The following NCOR2 variants were observed in gnomAD, a reference collection of about 807,000 sequenced individuals.
NCOR2 encodes the protein nuclear receptor corepressor 2, also known as CTG repeat protein 26.
NCOR2 carries 81 observed loss-of-function variants against 262.9 expected under a neutral mutation model. The ratio of observed to expected loss-of-function variants is 0.31; its 90% CI spans 0.26 to 0.37. The LOEUF is 0.37. NCOR2 is among the 10% of genes least tolerant of loss of function. The probability of loss-of-function intolerance (pLI) is 1.00; values close to 1 mark genes in which losing one functional copy is unlikely to be tolerated. For synonymous variants in NCOR2, 1,659 were observed against 1,559.3 expected (o/e 1.06, Z -1.51); for missense variants, 3,385 against 3,621.4 (o/e 0.93, Z 1.68).
At chr12:124,376,109 G>T (rs1288657531) in intron 18 of NCOR2, among the ~76,000 whole-genome samples, 4 of 152,172 alleles carry the variant, frequency 2.6e-5, no homozygotes, top group Non-Finnish European at 5.9e-5. Context: ...TCCTTAAGAT[G>T]GGCTAACACC....
At chr12:124,351,682 T>C (rs1034673913) in intron 27 of NCOR2, among the ~76,000 whole-genome samples, 1 of 152,208 alleles carries the variant, frequency 6.6e-6, no homozygotes, top group East Asian at 1.9e-4. Context: ...AAGCAGAATG[T>C]TGGGTGTCAA....
intron 32 of NCOR2, among the ~76,000 whole-genome samples, chr12:124,344,270 C>T (rs2036729232): frequency 6.6e-6 from 1 of 152,160 alleles, no homozygotes; most frequent in Non-Finnish European, 1.5e-5. Context: ...TGTGAAGTTG[C>T]TAGAAGGATG....
chr12:124,487,591 A>G (rs551657296), intron 1 of NCOR2, among the ~76,000 whole-genome samples: 47 of 152,290 alleles, frequency 3.1e-4, no homozygotes, highest in African/African-American at 1.1e-3. Context: ...TCCTCTTAGT[A>G]ATTTTCCATC....
intron 6 of NCOR2, among the ~76,000 whole-genome samples, chr12:124,452,421 C>T (rs2045603384): frequency 6.6e-6 from 1 of 152,250 alleles, no homozygotes; most frequent in Non-Finnish European, 1.5e-5. Flanking sequence ...TGCCTCCTCC[C>T]TCACTAGCTG....
intron 22 of NCOR2, among the ~76,000 whole-genome samples, chr12:124,360,835 A>G (rs566329919): frequency 6.6e-6 from 1 of 151,564 alleles, no homozygotes; most frequent in South Asian, 2.1e-4. Context: ...TCTTCACTCA[A>G]CCCGTTTTGT....
chr12:124,410,885 C>G (rs1476781234), intron 13 of NCOR2, among the ~76,000 whole-genome samples: 2 of 151,970 alleles, frequency 1.3e-5, no homozygotes, highest in Non-Finnish European at 2.9e-5. Flanking sequence ...CCAGTCCCTC[C>G]GCAAAGAGCT....
intron 23 of NCOR2, 65 bp from the exon 26 acceptor site, chr12:124,355,636 T>G: frequency 4.7e-6 from 7 of 1,479,468 alleles, no homozygotes; most frequent in Non-Finnish European, 6.2e-6. Context: ...GGACACACAC[T>G]CCAGGCTGCA....
At chr12:124,496,674 G>T (rs1039378608), upstream of NCOR2, among the ~76,000 whole-genome samples, 10 of 152,252 alleles carry the variant, frequency 6.6e-5, no homozygotes, top group East Asian at 1.9e-3. This position sits in a 1 kb window ranked among gnomAD's most constrained non-coding sequence, Gnocchi z 4.4. Context: ...TAAGGTTGGG[G>T]GCCCTGACTG....
At chr12:124,350,771 TGCAGCCCAG>T in intron 27 of NCOR2, 34 bp from the exon 30 acceptor site, 2 of 1,594,232 alleles carry the variant, frequency 1.3e-6, no homozygotes, top group Non-Finnish European at 1.7e-6. Flanking sequence ...CCCAGGAGGC[TGCAGCCCAG>T]GACCCCTCTC....
chr12:124,330,966 T>G, intron 43 of NCOR2, 68 bp from the exon 46 acceptor site: 1 of 1,515,520 alleles, frequency 6.6e-7, no homozygotes, highest in Non-Finnish European at 9.0e-7. Flanking sequence ...ACCAGTCCCG[T>G]GTGGTCCAGG....
intron 13 of NCOR2, among the ~76,000 whole-genome samples, chr12:124,406,643 G>A (rs1380341184): frequency 6.6e-6 from 1 of 152,192 alleles, no homozygotes; most frequent in Non-Finnish European, 1.5e-5. Flanking sequence ...CACTGGTCAG[G>A]CTGACAGTGG....
intron 20 of NCOR2, among the ~76,000 whole-genome samples, chr12:124,364,108 C>T (rs1441694054): frequency 1.3e-5 from 2 of 152,218 alleles, no homozygotes; most frequent in East Asian, 1.9e-4. Context: ...AGAGGCCAGC[C>T]GGGCAGTGCT....
chr12:124,392,911 C>T (rs116737437), intron 16 of NCOR2, among the ~76,000 whole-genome samples: 23 of 152,338 alleles, frequency 1.5e-4, no homozygotes, highest in African/African-American at 4.8e-4. Flanking sequence ...GGGGTCTGCC[C>T]GGGCTTACTG....
chr12:124,550,761 C>G (rs1376325948), intron 1 of NCOR2, among the ~76,000 whole-genome samples: 1 of 152,184 alleles, frequency 6.6e-6, no homozygotes, highest in Non-Finnish European at 1.5e-5. Context: ...GGCAGGGGGG[C>G]CCACACCTCA....
At chr12:124,327,510 C>G in exon 45 of NCOR2, 1 of 1,613,870 alleles carries the variant, frequency 6.2e-7, no homozygotes, top group Middle Eastern at 1.7e-4. Flanking sequence ...AGCATTGGCG[C>G]TGAGCGGCGG....
At chr12:124,497,182 G>A (rs1481541359), upstream of NCOR2, among the ~76,000 whole-genome samples, 3 of 152,164 alleles carry the variant, frequency 2.0e-5, no homozygotes, top group Non-Finnish European at 4.4e-5. The surrounding 1 kb of genome is among the most constrained non-coding windows in gnomAD (Gnocchi z 4.2). Flanking sequence ...TCACAGAGGA[G>A]GCCACCCCTT....
chr12:124,352,554 G>A (rs2037581397), intron 27 of NCOR2, among the ~76,000 whole-genome samples: 1 of 152,064 alleles, frequency 6.6e-6, no homozygotes, highest in African/African-American at 2.4e-5. Flanking sequence ...TAAATTTTCT[G>A]TAGAGACAGG....
intron 7 of NCOR2, among the ~76,000 whole-genome samples, chr12:124,446,259 G>A (rs1205662332): frequency 6.6e-6 from 1 of 152,160 alleles, no homozygotes; most frequent in Non-Finnish European, 1.5e-5. Context: ...AGCTCCTGCA[G>A]GGGCCTTCCC....
rs111739857 is a variant in NCOR2, at chr12:124,480,866, G to T, written c.411+2730C>A. 2.1e-5 allele frequency among the ~76,000 whole-genome samples: 3 copies of T among 146,008 alleles called. 1 individual carries two copies. The highest frequency in any genetic ancestry group is 7.6e-5 in the African/African-American group (3 of 39,516). The stretch of plus-strand genomic sequence containing the variant: ...GGGGGTGGGGGAGCAAGGGAATGGG[G>T]GAGGTGAGTGGATGGGGGAGGGGCA... On this transcript the variant is annotated intron_variant, in intron 3 of 46. Coordinates refer to ENST00000405201, the Ensembl canonical transcript of NCOR2.
Sources: gnomAD v4.1 joint callset for allele counts (sites outside exome capture counted in the v4.1 genomes callset) on GRCh38, gnomAD v4.1.1 for gene constraint, Gnocchi (gnomAD v3.1) non-coding constraint, MANE v1.5 for transcripts, NCBI Gene and HGNC (gene_info 2026-07-23, HGNC 2026-07-21) for gene names.